The following KCNIP4 variants were observed in gnomAD, a reference collection of about 807,000 sequenced individuals.
KCNIP4 encodes the protein potassium voltage-gated channel interacting protein 4, also known as Kv channel-interacting protein 4.
In KCNIP4, 12 loss-of-function variants were observed where a neutral mutation model predicts 34.0. That is an observed-to-expected ratio of 0.35 (90% CI 0.23 to 0.57). The LOEUF (loss-of-function observed/expected upper bound fraction) is 0.57. Ranked by LOEUF, KCNIP4 falls within the 20% of genes least tolerant of loss-of-function variation. The pLI is 0.83. For missense variants in KCNIP4, 238 were observed against 311.7 expected (o/e 0.76, Z 1.78); for synonymous variants, 124 against 102.2 (o/e 1.21, Z -1.29).
At chr4:21,002,318 C>A (rs1263793621) in intron 1 of KCNIP4, among the ~76,000 whole-genome samples, 4 of 152,146 alleles carry the variant, frequency 2.6e-5, no homozygotes, top group Non-Finnish European at 4.4e-5. Context: ...AACACATCAA[C>A]CAAAACAAAC....
intron 1 of KCNIP4, among the ~76,000 whole-genome samples, chr4:21,639,889 C>T (rs564589074): frequency 3.9e-5 from 6 of 152,256 alleles, no homozygotes; most frequent in African/African-American, 1.4e-4. Flanking sequence ...CTTCCATCAG[C>T]CCTACTCTGA....
At chr4:21,504,475 A>AAAAAAAAAAAAAAAG (rs1264431211) in intron 1 of KCNIP4, among the ~76,000 whole-genome samples, 2 of 101,852 alleles carry the variant, frequency 2.0e-5, no homozygotes, top group African/African-American at 7.8e-5. Context: ...CAAAAAAAAA[A>AAAAAAAAAAAAAAAG]AAAGAAAGAA....
intron 3 of KCNIP4, among the ~76,000 whole-genome samples, chr4:20,810,200 G>A (rs1056568896): frequency 1.3e-5 from 2 of 152,142 alleles, no homozygotes; most frequent in South Asian, 2.1e-4. Context: ...CTGCAAAAGC[G>A]AGCCATTGTT....
At chr4:21,919,152 CT>C (rs1728807538) in intron 1 of KCNIP4, among the ~76,000 whole-genome samples, 1 of 152,170 alleles carries the variant, frequency 6.6e-6, no homozygotes, top group Non-Finnish European at 1.5e-5. Context: ...AGTTCTGCCC[CT>C]GTCCAGCAAG....
chr4:21,615,007 T>C (rs958233273), intron 1 of KCNIP4, among the ~76,000 whole-genome samples: 2 of 152,150 alleles, frequency 1.3e-5, no homozygotes, highest in Admixed American at 6.6e-5. Flanking sequence ...GATCAGACTG[T>C]CTTTTTCTGA....
At chr4:21,587,107 T>C (rs1741684642) in intron 1 of KCNIP4, among the ~76,000 whole-genome samples, 1 of 152,040 alleles carries the variant, frequency 6.6e-6, no homozygotes, top group African/African-American at 2.4e-5. Flanking sequence ...CAACACCAAC[T>C]AGAGATGGCA....
chr4:21,770,742 T>C (rs1718725440), intron 1 of KCNIP4, among the ~76,000 whole-genome samples: 1 of 152,238 alleles, frequency 6.6e-6, no homozygotes, highest in Admixed American at 6.5e-5. Context: ...CGTAAATGTC[T>C]TCTTTTGAGA....
At chr4:21,779,744 C>T (rs371060984) in intron 1 of KCNIP4, among the ~76,000 whole-genome samples, 11 of 151,882 alleles carry the variant, frequency 7.2e-5, no homozygotes, top group South Asian at 4.1e-4. Context: ...ACCTACTACA[C>T]GTTAAAAAGT....
At chr4:20,994,710 C>T (rs1264888162) in intron 1 of KCNIP4, among the ~76,000 whole-genome samples, 2 of 152,186 alleles carry the variant, frequency 1.3e-5, no homozygotes, top group Non-Finnish European at 2.9e-5. Context: ...GGAGAAACTA[C>T]TGCATAAGTA....
intron 1 of KCNIP4, among the ~76,000 whole-genome samples, chr4:21,590,479 A>G (rs576097548): frequency 6.6e-6 from 1 of 152,110 alleles, no homozygotes; most frequent in South Asian, 2.1e-4. Context: ...CTTTGCAACC[A>G]GACAGGTTGT....
At chr4:21,528,633 C>A (rs1461184963) in intron 1 of KCNIP4, among the ~76,000 whole-genome samples, 2 of 149,176 alleles carry the variant, frequency 1.3e-5, no homozygotes, top group Non-Finnish European at 3.0e-5. Flanking sequence ...CGTCACTGAA[C>A]TCCAGCCTGG....
intron 1 of KCNIP4, among the ~76,000 whole-genome samples, chr4:21,282,106 T>C (rs1004345368): frequency 1.1e-4 from 16 of 152,234 alleles, no homozygotes; most frequent in Non-Finnish European, 5.9e-5. Context: ...TAAGTTCTCA[T>C]AAGTGAGACA....
chr4:20,732,258 T>TGG (rs1183427982), intron 7 of KCNIP4, among the ~76,000 whole-genome samples, 190 bp from the exon 8 acceptor site: 3 of 152,208 alleles, frequency 2.0e-5, no homozygotes, highest in Admixed American at 1.3e-4. Flanking sequence ...TTCTGGCTTT[T>TGG]CCCTTTTCAA....
At chr4:21,770,923 C>T (rs937036371) in intron 1 of KCNIP4, among the ~76,000 whole-genome samples, 1 of 152,152 alleles carries the variant, frequency 6.6e-6, no homozygotes, top group East Asian at 1.9e-4. Context: ...AGTTTCTTTG[C>T]TGTGCAGAAG....
At chr4:20,984,032 A>C in intron 1 of KCNIP4, 1 of 1,482,852 alleles carries the variant, frequency 6.7e-7, no homozygotes, top group Admixed American at 2.3e-5. Flanking sequence ...TGCAAGGGGA[A>C]AAAGTGAGCA....
intron 1 of KCNIP4, among the ~76,000 whole-genome samples, chr4:20,973,565 T>C (rs1174268722): frequency 6.6e-6 from 1 of 152,232 alleles, no homozygotes; most frequent in Non-Finnish European, 1.5e-5. Context: ...ACTATTTCTT[T>C]GTGTTCACAA....
At chr4:20,902,419 T>A (rs994947680) in intron 1 of KCNIP4, among the ~76,000 whole-genome samples, 1 of 152,104 alleles carries the variant, frequency 6.6e-6, no homozygotes, top group African/African-American at 2.4e-5. Flanking sequence ...ATACCCAGTT[T>A]AGTTCTCTAG....
At chr4:20,758,424 A>G (rs575627157) in intron 4 of KCNIP4, among the ~76,000 whole-genome samples, 3 of 152,216 alleles carry the variant, frequency 2.0e-5, no homozygotes, top group South Asian at 2.1e-4. Flanking sequence ...ACCTTCTCCA[A>G]TCCCCAGATT....
At chr4:21,498,141 C>T (rs932420114) in intron 1 of KCNIP4, among the ~76,000 whole-genome samples, 1 of 151,942 alleles carries the variant, frequency 6.6e-6, no homozygotes, top group Admixed American at 6.6e-5. Context: ...TAAAATTCAC[C>T]CGAATATTGT....
Sources: gnomAD v4.1 joint callset for allele counts (sites outside exome capture counted in the v4.1 genomes callset) on GRCh38, gnomAD v4.1.1 for gene constraint, MANE v1.5 for transcripts, NCBI Gene and HGNC (gene_info 2026-07-23, HGNC 2026-07-21) for gene names.